The following MTMR4 variants were observed in gnomAD, a reference collection of about 807,000 sequenced individuals.
MTMR4 encodes the protein myotubularin related protein 4.
A neutral mutation model predicts 125.5 loss-of-function variants in MTMR4; 30 were observed. The observed-to-expected ratio is 0.24, with a 90% confidence interval of 0.18 to 0.32. MTMR4 has a LOEUF of 0.32. Among genes scored for constraint, MTMR4 ranks in the 10% least tolerant of loss-of-function variants. MTMR4 has a pLI of 1.00. For missense variants in MTMR4, 1,039 were observed against 1,511.5 expected, an observed-to-expected ratio of 0.69 and a Z score of 5.18; for synonymous variants, 498 against 564.5, an observed-to-expected ratio of 0.88 and a Z score of 1.67.
rs564669630 is a variant in MTMR4 at position 58,512,560 on chromosome 17, C to A, written c.136-54G>T. The A allele has an allele frequency of 2.2e-6, 3 of 1,378,844 alleles. No individual in the cohort carries two copies. The African/African-American group carries it at 4.3e-5, about 20-fold the overall frequency. The allele number at this position is 1,378,844 out of a possible 1,614,324, so 85.4% of individuals were successfully genotyped here. A position where few individuals can be genotyped will look rare whatever the true frequency, so the allele number is the denominator to read the frequency against. On this transcript the variant is annotated intron_variant, in intron 2 of 17. Transcript: ENST00000682306. The surrounding 1 kb of genome is among the most constrained non-coding windows in gnomAD (Gnocchi z 4.1). Reference sequence around the variant, plus strand: ...CAGAAGTGAGTGACCACCTTATCCTCTTCTACAGCCCCTGATCTGTGGGAT... The same window carrying A: ...CAGAAGTGAGTGACCACCTTATCCTATTCTACAGCCCCTGATCTGTGGGAT...
At chr17:58,492,369 C>A (rs1567924519) in intron 17 of MTMR4, 142 bp downstream of exon 17, 1 of 693,498 alleles carries the variant, frequency 1.4e-6, no homozygotes, top group Non-Finnish European at 2.5e-6. Context: ...ACAGGTTTTA[C>A]CATGTTGGCC....
upstream of MTMR4, chr17:58,516,520 C>G: frequency 6.3e-7 from 1 of 1,595,776 alleles, no homozygotes; most frequent in South Asian, 1.1e-5. Context: ...GGCAGCTTCA[C>G]AGAGAAAGAC....
chr17:58,494,132 G>A (rs990808952), intron 15 of MTMR4, among the ~76,000 whole-genome samples: 1 of 151,782 alleles, frequency 6.6e-6, no homozygotes, highest in African/African-American at 2.4e-5. Flanking sequence ...GGCTAACACA[G>A]TGAGACCCCA....
intron 1 of MTMR4, 116 bp downstream of exon 1, chr17:58,514,247 A>C: frequency 1.1e-6 from 1 of 905,010 alleles, no homozygotes; most frequent in Non-Finnish European, 1.3e-6. Flanking sequence ...CCTGCCCCCC[A>C]AACGTTCGGG....
At chr17:58,503,571 C>T (rs1483359215) in intron 14 of MTMR4, among the ~76,000 whole-genome samples, 173 bp downstream of exon 14, 2 of 152,182 alleles carry the variant, frequency 1.3e-5, no homozygotes, top group Middle Eastern at 3.4e-3. Flanking sequence ...ATCAGTTGAA[C>T]CCGGGAAGTG....
Position 58,512,783 on chromosome 17 carries a change from G to C in MTMR4, c.135+69C>G. ...GTACCAGATGCCCTTGAGGATTTTT[G>C]GGAGAAGGGAGGGTGTTTTTTAACT... On this transcript the variant is annotated intron_variant, in intron 2 of 17. Coordinates refer to ENST00000682306, the MANE Select transcript of MTMR4 (RefSeq NM_001378067.1). The surrounding 1 kb of genome is among the most constrained non-coding windows in gnomAD (Gnocchi z 4.1). 1 of 1,353,360 alleles carries C rather than the reference G, an allele frequency of 7.4e-7. No individual in the cohort carries two copies. Among genetic ancestry groups the C allele is most frequent in the Non-Finnish European group, 1.0e-6 (1 of 952,558 alleles). 83.8% of individuals were successfully genotyped at this position (1,353,360 alleles called of 1,614,324 possible).
chr17:58,506,600 G>C, intron 9 of MTMR4, 143 bp downstream of exon 9: 2 of 1,007,164 alleles, frequency 2.0e-6, no homozygotes, highest in Non-Finnish European at 2.9e-6. Context: ...CATAGTCATA[G>C]CCATAGCTAG....
Position 58,507,890 on chromosome 17 carries a change from T to C in MTMR4, c.707+271A>G, listed in dbSNP as rs1042027826. Reference sequence around the variant, plus strand: ...GCCAGTTTGCCAACCCCTGTACTAATGTGTGTATAAAATAATGTACTATTT... The same window carrying C: ...GCCAGTTTGCCAACCCCTGTACTAACGTGTGTATAAAATAATGTACTATTT... On this transcript the variant is annotated intron_variant, in intron 7 of 17. Transcript: ENST00000682306. 8.9e-6 allele frequency: 3 copies of C among 337,294 alleles called. 1 individual carries two copies. In the East Asian group the frequency reaches 1.9e-4, roughly 21 times the overall value. 20.9% of individuals were successfully genotyped at this position (337,294 alleles called of 1,614,324 possible).
chr17:58,491,890 G>T (rs1412877724), intron 17 of MTMR4, 50 bp from the exon 18 acceptor site: 9 of 1,568,232 alleles, frequency 5.7e-6, no homozygotes, highest in Non-Finnish European at 7.8e-6. Context: ...CAATATACTG[G>T]CCAGGCAGGG....
chr17:58,503,081 A>G (rs1164153376), intron 14 of MTMR4, among the ~76,000 whole-genome samples: 1 of 152,182 alleles, frequency 6.6e-6, no homozygotes, highest in Non-Finnish European at 1.5e-5. Flanking sequence ...GCTGGACACA[A>G]CAAAGGTTGC....
rs1425177871 is a variant in MTMR4 at position 58,490,586 on chromosome 17, C to A, written c.*1077G>T. On this transcript the variant is annotated 3_prime_UTR_variant, in exon 18 of 18. Transcript: ENST00000682306. ...CATTTGTACTGAAACCCTCACATACCAAACAGCATATGCTAGGAGGTAAAA... is the reference window on the plus strand; with the variant it reads ...CATTTGTACTGAAACCCTCACATACAAAACAGCATATGCTAGGAGGTAAAA... The A allele has an allele frequency of 6.6e-6, 1 of 152,614 alleles. No homozygotes were observed. The highest frequency in any genetic ancestry group is 2.4e-5 in the African/African-American group (1 of 41,432). The allele number at this position is 152,614 out of a possible 1,614,324, so 9.5% of individuals were successfully genotyped here.
Position 58,495,900 on chromosome 17 carries a change from T to C in MTMR4, c.2284A>G (p.Ile762Val), listed in dbSNP as rs1451859955. 6.2e-7 allele frequency: 1 copy of C among 1,614,186 alleles called. No individual in the cohort carries two copies. The highest frequency in any genetic ancestry group is 8.5e-7 in the Non-Finnish European group (1 of 1,180,034). Residue 762 changes from isoleucine to valine, a missense_variant, in exon 15 of 18, where the codon ATA becomes GTA. Around this residue, in one of 6 missense-constraint regions of MTMR4, gnomAD observed 619 missense variants for 714.5 expected, o/e 0.87. Transcript: ENST00000682306. ...QDELGRTLDG[I>V]GEPPEHCPET... ...GGACAATGTTCAGGTGGCTCCCCTA[T>C]GCCATCTAAAGTCCTACCCAGCTCA...
At chr17:58,492,689 G>A in intron 16 of MTMR4, 90 bp from the exon 17 acceptor site, 1 of 1,405,762 alleles carries the variant, frequency 7.1e-7, no homozygotes, top group Non-Finnish European at 1.0e-6. Context: ...AGCAGAAAGA[G>A]ACAAGGCTTA....
chr17:58,512,648 G>A lies in MTMR4; in HGVS notation c.136-142C>T. The A allele has an allele frequency of 1.2e-6, 1 of 814,978 alleles. No individual in the cohort carries two copies. Among genetic ancestry groups the A allele is most frequent in the South Asian group, 1.6e-5 (1 of 63,788 alleles). 50.5% of individuals were successfully genotyped at this position (814,978 alleles called of 1,614,324 possible). The stretch of plus-strand genomic sequence containing the variant: ...GTTCTCTCCACGGTAACAGCACCAG[G>A]CAACAGCTGTACAGGAAAGCTGCCT... On this transcript the variant is annotated intron_variant, in intron 2 of 17. Transcript: ENST00000682306. This position sits in a 1 kb window ranked among gnomAD's most constrained non-coding sequence, Gnocchi z 4.1.
rs763421906 is a variant in MTMR4 at position 58,496,035 on chromosome 17, T to G, written c.2149A>C (p.Lys717Gln). The G allele has an allele frequency of 5.6e-6, 9 of 1,614,062 alleles. No individual in the cohort carries two copies. The highest frequency in any genetic ancestry group is 7.6e-6 in the Non-Finnish European group (9 of 1,180,038). The stretch of plus-strand genomic sequence containing the variant: ...CGAGGCACTGCGGTATTAAGCAGTT[T>G]GTAACTTGGAGAACAGCTTTTGTGA... ...KSHKSCSPSYKLLNTAVPREM... is the reference protein window; with the variant it reads ...KSHKSCSPSYQLLNTAVPREM... The change falls in exon 15 of 18, where the codon AAA (lysine) becomes CAA (glutamine). Residue 717 changes from lysine (K) to glutamine (Q), a missense_variant. By Grantham distance (53) the Lys-to-Gln change is moderately conservative. Around this residue, in one of 6 missense-constraint regions of MTMR4, gnomAD observed 619 missense variants for 714.5 expected, o/e 0.87. Coordinates refer to ENST00000682306, the MANE Select transcript of MTMR4 (RefSeq NM_001378067.1).
intron 8 of MTMR4, 38 bp downstream of exon 8, chr17:58,507,085 G>T (rs772729372): frequency 1.2e-6 from 2 of 1,610,830 alleles, no homozygotes; most frequent in Non-Finnish European, 1.7e-6. Context: ...CAAGGAGGGG[G>T]CCTGCTCCCT....
chr17:58,500,225 CA>C (rs1260672539), intron 14 of MTMR4, among the ~76,000 whole-genome samples: 1 of 152,166 alleles, frequency 6.6e-6, no homozygotes, highest in East Asian at 1.9e-4. Context: ...CTGCTGGGAG[CA>C]AACAATCCTC....
chr17:58,492,121 T>C (rs1030303010), intron 17 of MTMR4, among the ~76,000 whole-genome samples: 5 of 152,254 alleles, frequency 3.3e-5, no homozygotes, highest in African/African-American at 1.2e-4. Context: ...GGTGTCCACT[T>C]CCAAACTAAT....
At position 58,512,266 on chromosome 17, in the gene MTMR4, G is replaced by A. The variant is rs755476163; in HGVS notation, c.252+124C>T. 1.6e-4 allele frequency: 131 copies of A among 802,790 alleles called. No individual in the cohort carries two copies. The highest frequency in any genetic ancestry group is 2.4e-4 in the Non-Finnish European group (112 of 474,456). The allele number at this position is 802,790 out of a possible 1,614,324, so 49.7% of individuals were successfully genotyped here. On this transcript the variant is annotated intron_variant, in intron 3 of 17. Transcript: ENST00000682306. This position sits in a 1 kb window ranked among gnomAD's most constrained non-coding sequence, Gnocchi z 4.1. Reference sequence around the variant, plus strand: ...CTCCCAAAGTGCTGGGATTACAGGCGTGAGCCACTGCGCCCGGCCTCCAAC... The same window carrying A: ...CTCCCAAAGTGCTGGGATTACAGGCATGAGCCACTGCGCCCGGCCTCCAAC...
Sources: gnomAD v4.1 joint callset for allele counts (sites outside exome capture counted in the v4.1 genomes callset) on GRCh38, gnomAD v4.1.1 for gene constraint, gnomAD v4.1.1 regional missense constraint, Gnocchi (gnomAD v3.1) non-coding constraint, MANE v1.5 for transcripts, NCBI Gene and HGNC (gene_info 2026-07-23, HGNC 2026-07-21) for gene names.